Variants in SPECC1 observed in about 807,000 individuals in gnomAD.
The protein encoded by SPECC1 is cytospin-B.
A neutral mutation model predicts 104.1 loss-of-function variants in SPECC1; 62 were observed. The ratio of observed to expected loss-of-function variants is 0.60; its 90% CI spans 0.49 to 0.74. The LOEUF (loss-of-function observed/expected upper bound fraction) is 0.74. SPECC1 is among the 30% of genes least tolerant of loss of function. The pLI, the probability that SPECC1 is intolerant of heterozygous loss-of-function variation, is 0.00. For synonymous variants in SPECC1, 513 were observed against 501.6 expected, an observed-to-expected ratio of 1.02 and a Z score of -0.30; for missense variants, 1,306 against 1,310.5, an observed-to-expected ratio of 1.00 and a Z score of 0.05.
intron 9 of SPECC1, among the ~76,000 whole-genome samples, chr17:20,250,002 G>C (rs540336369): frequency 1.6e-4 from 25 of 152,178 alleles, no homozygotes; most frequent in African/African-American, 5.5e-4. Context: ...GACACATGAG[G>C]TTAAAACTGC....
chr17:20,229,489 A>T (rs1396334529), intron 5 of SPECC1, among the ~76,000 whole-genome samples: 2 of 152,078 alleles, frequency 1.3e-5, no homozygotes, highest in African/African-American at 2.4e-5. Flanking sequence ...ACATAGTGAG[A>T]CCCTGTCTTG....
At chr17:20,211,483 A>T (rs1368355697) in intron 4 of SPECC1, among the ~76,000 whole-genome samples, 1 of 152,212 alleles carries the variant, frequency 6.6e-6, no homozygotes, top group East Asian at 1.9e-4. Context: ...GCCTGGGGAA[A>T]ATTGCCACAG....
At chr17:20,168,848 T>C (rs1402547997) in intron 3 of SPECC1, among the ~76,000 whole-genome samples, 1 of 152,194 alleles carries the variant, frequency 6.6e-6, no homozygotes, top group Non-Finnish European at 1.5e-5. Flanking sequence ...AGTAGTTTTA[T>C]GTTAGTAATC....
At chr17:20,065,309 G>T (rs146465060) in intron 1 of SPECC1, among the ~76,000 whole-genome samples, 1 of 152,280 alleles carries the variant, frequency 6.6e-6, no homozygotes, top group East Asian at 1.9e-4. Context: ...AGGCCCCAAG[G>T]CTGCCTCCTT....
intron 1 of SPECC1, among the ~76,000 whole-genome samples, chr17:20,068,997 T>C (rs973754624): frequency 2.6e-5 from 4 of 152,212 alleles, no homozygotes; most frequent in Admixed American, 1.3e-4. Flanking sequence ...CAGGGGTACA[T>C]GTGAAGGTTT....
At chr17:20,065,813 A>G (rs1006868501) in intron 1 of SPECC1, among the ~76,000 whole-genome samples, 2 of 152,192 alleles carry the variant, frequency 1.3e-5, no homozygotes, top group African/African-American at 2.4e-5. Context: ...TAATTAGAGA[A>G]GGGTCCTGTC....
intron 12 of SPECC1, among the ~76,000 whole-genome samples, chr17:20,292,551 A>G (rs778566858): frequency 1.2e-4 from 18 of 152,132 alleles, no homozygotes; most frequent in Non-Finnish European, 2.6e-4. Context: ...GCTGGTCTCG[A>G]ACTCCTGACG....
At position 20,315,192 on chromosome 17, in the gene SPECC1, T is replaced by C. The variant is rs556340870; in HGVS notation, c.*1127T>C. 3 of 232,964 alleles carry C rather than the reference T, an allele frequency of 1.3e-5. No individual in the cohort carries two copies. The highest frequency in any genetic ancestry group is 1.1e-4 in the Admixed American group (2 of 17,790). 14.4% of individuals were successfully genotyped at this position (232,964 alleles called of 1,614,324 possible). ...GGCTGACAGCAAATCCCAACAGTAT[T>C]TCGGCTCTGGACTGATTTGGCCTTT... is the stretch of plus-strand genomic sequence containing the variant. On this transcript the variant is annotated 3_prime_UTR_variant, in exon 15 of 15. Coordinates refer to ENST00000395527, the MANE Select transcript of SPECC1 (RefSeq NM_001243439.2).
intron 1 of SPECC1, among the ~76,000 whole-genome samples, chr17:20,062,109 C>T (rs1475282934): frequency 6.6e-6 from 1 of 151,826 alleles, no homozygotes; most frequent in East Asian, 1.9e-4. Context: ...AAAAATTAGC[C>T]AGGCATGGCG....
At chr17:20,125,432 A>T (rs2049251836) in intron 3 of SPECC1, among the ~76,000 whole-genome samples, 1 of 152,134 alleles carries the variant, frequency 6.6e-6, no homozygotes, top group African/African-American at 2.4e-5. Flanking sequence ...GTGGTAGGAG[A>T]TCTACCCTCT....
intron 1 of SPECC1, among the ~76,000 whole-genome samples, chr17:20,064,289 G>T (rs553646495): frequency 6.6e-6 from 1 of 152,302 alleles, no homozygotes; most frequent in South Asian, 2.1e-4. Context: ...TCAGAGAACG[G>T]GCACACCACC....
chr17:20,273,976 A>G (rs557884012), intron 12 of SPECC1, among the ~76,000 whole-genome samples: 1 of 152,186 alleles, frequency 6.6e-6, no homozygotes, highest in Non-Finnish European at 1.5e-5. Flanking sequence ...CATTGCCATC[A>G]GCCTGGAGGC....
chr17:20,143,592 G>A (rs2031101748), intron 3 of SPECC1, among the ~76,000 whole-genome samples: 1 of 151,974 alleles, frequency 6.6e-6, no homozygotes, highest in Non-Finnish European at 1.5e-5. Flanking sequence ...GCTGAGGCAC[G>A]AGAATGGCTT....
chr17:20,263,423 A>T (rs1163022318), intron 12 of SPECC1, among the ~76,000 whole-genome samples: 1 of 150,882 alleles, frequency 6.6e-6, no homozygotes, highest in African/African-American at 2.4e-5. Flanking sequence ...AATGTAAATG[A>T]TGAGTTAATG....
chr17:20,020,247 G>T (rs1024982502), intron 1 of SPECC1, among the ~76,000 whole-genome samples: 2 of 152,218 alleles, frequency 1.3e-5, no homozygotes, highest in African/African-American at 4.8e-5. Context: ...CAATCTGAGT[G>T]TGGGCTTAGA....
At chr17:20,141,720 C>A (rs2030823231) in intron 3 of SPECC1, among the ~76,000 whole-genome samples, 1 of 152,102 alleles carries the variant, frequency 6.6e-6, no homozygotes, top group South Asian at 2.1e-4. Context: ...CTGTTTCCAC[C>A]ACCAGCTCCA....
intron 1 of SPECC1, among the ~76,000 whole-genome samples, chr17:20,041,613 G>C (rs1392523375): frequency 9.5e-6 from 1 of 105,186 alleles, no homozygotes; most frequent in Non-Finnish European, 2.0e-5. Flanking sequence ...GTAGTTGTTT[G>C]TTGAGGCTTT....
chr17:20,290,315 G>T (rs2041120093), intron 12 of SPECC1: 1 of 150,864 alleles, frequency 6.6e-6, no homozygotes. Context: ...GACTGGCAGG[G>T]ACCCTACACA....
intron 3 of SPECC1, among the ~76,000 whole-genome samples, chr17:20,165,765 G>A (rs555552288): frequency 2.5e-4 from 38 of 152,332 alleles, no homozygotes; most frequent in African/African-American, 9.1e-4. Flanking sequence ...GTATGTCATT[G>A]TGGTTTTGAT....
Sources: allele counts gnomAD v4.1 joint callset (sites outside exome capture counted in the v4.1 genomes callset), GRCh38; gene constraint gnomAD v4.1.1; transcripts MANE v1.5; gene names NCBI Gene and HGNC (gene_info 2026-07-23, HGNC 2026-07-21).